The following WDFY3 variants were observed in gnomAD, a reference collection of about 807,000 sequenced individuals.
The protein encoded by WDFY3 is WD repeat and FYVE domain containing 3.
In WDFY3, 66 loss-of-function variants were observed where a neutral mutation model predicts 409.6. The ratio of observed to expected loss-of-function variants is 0.16; its 90% confidence interval spans 0.13 to 0.20. The LOEUF is 0.20. Ranked by LOEUF, WDFY3 falls within the 10% of genes least tolerant of loss-of-function variation. The pLI is 1.00. For synonymous variants in WDFY3, 1,521 were observed against 1,537.1 expected (o/e 0.99, Z 0.25); for missense variants, 3,031 against 4,298.1 (o/e 0.71, Z 8.24).
intron 1 of WDFY3, among the ~76,000 whole-genome samples, chr4:84,951,124 A>T (rs1490850167): frequency 1.3e-5 from 2 of 152,128 alleles, no homozygotes; most frequent in South Asian, 2.1e-4. Flanking sequence ...TATTCCTATG[A>T]CCCTTTCCTC....
In WDFY3 at chr4:84,794,599, T is replaced by G. The variant is rs748029295; in HGVS notation, c.3407A>C (p.Tyr1136Ser). 1.9e-6 allele frequency: 3 copies of G among 1,614,100 alleles called. No individual in the cohort carries two copies. Among genetic ancestry groups the G allele is most frequent in the Non-Finnish European group, 2.5e-6 (3 of 1,180,016 alleles). ...VRRANSSEQH[Y>S]VCLAIVLSAK... is the part of the protein sequence containing the mutation. The stretch of plus-strand genomic sequence containing the variant: ...TGATAGAACTATTGCAAGGCACACG[T>G]AATGTTGCTCAGAAGAATTTGCTCG... The change falls in exon 21 of 68, where the codon TAC (tyrosine) becomes TCC (serine). Residue 1136 changes from tyrosine to serine, a missense_variant. Physicochemically the swap from Tyr to Ser is moderately radical, Grantham distance 144 (BLOSUM62 -2). Coordinates refer to ENST00000295888, the MANE Select transcript of WDFY3 (RefSeq NM_014991.6).
At chr4:84,799,921 T>A (rs1750198368) in intron 17 of WDFY3, among the ~76,000 whole-genome samples, 1 of 152,246 alleles carries the variant, frequency 6.6e-6, no homozygotes, top group Non-Finnish European at 1.5e-5. Flanking sequence ...TTATTCTATT[T>A]ATCTAACTAT....
chr4:84,790,120 C>T (rs768345474), intron 21 of WDFY3, among the ~76,000 whole-genome samples: 4 of 151,946 alleles, frequency 2.6e-5, no homozygotes, highest in Admixed American at 6.6e-5. Flanking sequence ...GAGGCTGAGG[C>T]GGGCGGATCA....
chr4:84,726,539 A>C (rs1016086262), intron 45 of WDFY3, among the ~76,000 whole-genome samples: 1 of 152,180 alleles, frequency 6.6e-6, no homozygotes, highest in South Asian at 2.1e-4. Context: ...CAGGCTGCCC[A>C]TTACTAACAT....
Position 84,766,502 on chromosome 4 carries a change from C to T in WDFY3, c.4850-130G>A, listed in dbSNP as rs894412421. The T allele has an allele frequency of 1.0e-4, 86 of 840,006 alleles. 1 individual carries two copies. The Middle Eastern group carries it at 1.1e-3, about 11-fold the overall frequency. 52.0% of individuals were successfully genotyped at this position (840,006 alleles called of 1,614,324 possible). On this transcript the variant is annotated intron_variant, in intron 30 of 67. Transcript: ENST00000295888. ...CATTTTCTCCAGGACTGCTTTTCACCAACATGGACAAGAAAAAGGGTCAGT... is the reference window on the plus strand; with the variant it reads ...CATTTTCTCCAGGACTGCTTTTCACTAACATGGACAAGAAAAAGGGTCAGT...
chr4:84,764,819 C>T (rs1006605137), intron 32 of WDFY3, among the ~76,000 whole-genome samples: 16 of 149,950 alleles, frequency 1.1e-4, no homozygotes, highest in Non-Finnish European at 4.4e-5. Context: ...GAGCCAAGAT[C>T]GTGCCACTGC....
At chr4:84,940,296 T>C (rs188630982) in intron 1 of WDFY3, among the ~76,000 whole-genome samples, 53 of 152,252 alleles carry the variant, frequency 3.5e-4, no homozygotes, top group African/African-American at 1.2e-3. Context: ...TAGCACCATG[T>C]TATTAGTAAT....
At chr4:84,717,814 C>T (rs563323035) in intron 48 of WDFY3, among the ~76,000 whole-genome samples, 1 of 152,048 alleles carries the variant, frequency 6.6e-6, no homozygotes, top group African/African-American at 2.4e-5. Context: ...TTTGGGAGGC[C>T]GAGGCGGGCG....
intron 9 of WDFY3, among the ~76,000 whole-genome samples, chr4:84,828,709 C>A (rs1755220207): frequency 6.6e-6 from 1 of 152,080 alleles, no homozygotes; most frequent in Non-Finnish European, 1.5e-5. Context: ...CCAGCCTGGG[C>A]AACACAGCGA....
intron 24 of WDFY3, 92 bp downstream of exon 24, chr4:84,785,887 G>A (rs558917720): frequency 6.9e-7 from 1 of 1,440,866 alleles, no homozygotes; most frequent in Admixed American, 2.3e-5. Flanking sequence ...ATTTTTAGCA[G>A]TCACTCATAA....
At chr4:84,710,478 T>C (rs1055764352) in intron 51 of WDFY3, among the ~76,000 whole-genome samples, 6 of 152,168 alleles carry the variant, frequency 3.9e-5, no homozygotes, top group Non-Finnish European at 7.3e-5. Context: ...CAGGAGAAAG[T>C]ATTTATATAT....
At chr4:84,897,145 G>A (rs1416487528) in intron 2 of WDFY3, 135 bp from the exon 3 acceptor site, 4 of 152,194 alleles carry the variant, frequency 2.6e-5, no homozygotes, top group Non-Finnish European at 5.9e-5. Context: ...AATCAACTAA[G>A]AAGCTTTTTA....
intron 3 of WDFY3, among the ~76,000 whole-genome samples, chr4:84,873,306 G>A (rs888895951): frequency 6.6e-6 from 1 of 152,006 alleles, no homozygotes; most frequent in Non-Finnish European, 1.5e-5. Context: ...AAATTTAAAA[G>A]AACAGAAATC....
intron 34 of WDFY3, 90 bp downstream of exon 34, chr4:84,755,176 A>G: frequency 1.9e-6 from 3 of 1,541,292 alleles, no homozygotes; most frequent in South Asian, 1.2e-5. Context: ...TAAATAAAGT[A>G]GTTATGTTAC....
Position 84,737,463 on chromosome 4 carries a change from A to G in WDFY3, c.6575-97T>C, listed in dbSNP as rs538709355. 2.2e-5 allele frequency: 29 copies of G among 1,333,926 alleles called. No homozygotes were observed. The African/African-American group carries it at 3.4e-4, about 16-fold the overall frequency. 82.6% of individuals were successfully genotyped at this position (1,333,926 alleles called of 1,614,324 possible). A position where few individuals can be genotyped will look rare whatever the true frequency, so the allele number is the denominator to read the frequency against. Reference sequence around the variant, plus strand: ...TTTTTCTTCATGTTTACATGTGGGAATTTCGACTACAGTATTTAATGTAAA... The same window carrying G: ...TTTTTCTTCATGTTTACATGTGGGAGTTTCGACTACAGTATTTAATGTAAA... On this transcript the variant is annotated intron_variant, in intron 40 of 67. Coordinates refer to ENST00000295888, the MANE Select transcript of WDFY3 (RefSeq NM_014991.6).
intron 3 of WDFY3, among the ~76,000 whole-genome samples, chr4:84,891,222 C>G (rs2150511011): frequency 6.6e-6 from 1 of 152,240 alleles, no homozygotes; most frequent in Admixed American, 6.5e-5. Context: ...TTCGTCTGCC[C>G]TTTCCTCTCT....
At chr4:84,759,207 C>A (rs935242464) in intron 32 of WDFY3, among the ~76,000 whole-genome samples, 1 of 152,252 alleles carries the variant, frequency 6.6e-6, no homozygotes, top group South Asian at 2.1e-4. Flanking sequence ...GTTACTGTAG[C>A]CTTGCAGTAG....
intron 1 of WDFY3, among the ~76,000 whole-genome samples, chr4:84,951,498 T>TA (rs747485014): frequency 5.9e-5 from 9 of 152,192 alleles, no homozygotes; most frequent in South Asian, 2.1e-4. Context: ...TGATGTAATA[T>TA]AAAAAATCTA....
chr4:84,725,871 G>A lies in WDFY3; in HGVS notation c.7272+990C>T, dbSNP rs999203632. 1.8e-4 allele frequency among the ~76,000 whole-genome samples: 28 copies of A among 152,060 alleles called. 1 individual carries two copies. The highest frequency in any genetic ancestry group is 2.1e-4 in the South Asian group (1 of 4,832). On this transcript the variant is annotated intron_variant, in intron 45 of 67. Coordinates refer to ENST00000295888, the MANE Select transcript of WDFY3 (RefSeq NM_014991.6). ...TTAGATAAAAAGATAACTAAGTCAA[G>A]CCACATTAACCTTCTTTAACTTCAG...
Sources: gnomAD v4.1 joint callset for allele counts (sites outside exome capture counted in the v4.1 genomes callset) on GRCh38, gnomAD v4.1.1 for gene constraint, MANE v1.5 for transcripts, NCBI Gene and HGNC (gene_info 2026-07-23, HGNC 2026-07-21) for gene names.